The following FBXL20 variants were observed in gnomAD, a reference collection of about 807,000 sequenced individuals.
FBXL20 encodes the protein F-box/LRR-repeat protein 20.
Under a neutral mutation model 64.0 loss-of-function variants are expected in FBXL20, and 11 were observed. The observed-to-expected ratio is 0.17, with a 90% CI of 0.11 to 0.28. The LOEUF (loss-of-function observed/expected upper bound fraction) is 0.28, where lower values mean the gene tolerates loss of function less well. FBXL20 is among the 10% of genes least tolerant of loss of function. The pLI, the probability that FBXL20 is intolerant of heterozygous loss-of-function variation, is 1.00. For missense variants in FBXL20, 303 were observed against 526.2 expected (o/e 0.58, Z 4.15); for synonymous variants, 184 against 189.0 (o/e 0.97, Z 0.22).
intron 2 of FBXL20, among the ~76,000 whole-genome samples, chr17:39,316,805 T>C (rs566783354): frequency 5.9e-5 from 9 of 152,176 alleles, no homozygotes; most frequent in African/African-American, 2.2e-4. Flanking sequence ...CTGGCCAACA[T>C]GGCGAAAGCC....
chr17:39,373,979 TG>T (rs1317825521), intron 1 of FBXL20, among the ~76,000 whole-genome samples: 1 of 152,152 alleles, frequency 6.6e-6, no homozygotes, highest in Non-Finnish European at 1.5e-5. Context: ...CCCAGCACTT[TG>T]GGAGGCCGAG....
At chr17:39,280,810 G>C (rs1362228678) in intron 9 of FBXL20, among the ~76,000 whole-genome samples, 2 of 152,110 alleles carry the variant, frequency 1.3e-5, no homozygotes, top group Non-Finnish European at 2.9e-5. Context: ...TGTTGCCCGA[G>C]CTGGAGTGCT....
At position 39,264,327 on chromosome 17, in the gene FBXL20, A is replaced by C. The variant is rs746333177; in HGVS notation, c.1051T>G (p.Cys351Gly). 1.4e-5 allele frequency: 22 copies of C among 1,614,032 alleles called. No individual in the cohort carries two copies. The highest frequency in any genetic ancestry group is 1.8e-5 in the Non-Finnish European group (21 of 1,180,060). ...DGIRHLGNGA[C>G]AHDQLEVIEL... is the part of the protein sequence containing the mutation. ...ATCACCTCCAGCTGGTCATGGGCGC[A>C]GGCCCCATTCCCCAGGTGACGAATT... Residue 351 changes from cysteine to glycine, a missense_variant, in exon 14 of 15, where the codon TGC becomes GGC. By Grantham distance (159) the Cys-to-Gly change is radical (BLOSUM62 -3). Around this residue, in one of 3 missense-constraint regions of FBXL20, gnomAD observed 246 missense variants for 422.6 expected, o/e 0.58. Coordinates refer to ENST00000264658, the MANE Select transcript of FBXL20 (RefSeq NM_032875.3).
intron 2 of FBXL20, among the ~76,000 whole-genome samples, chr17:39,304,937 A>T (rs2047168555): frequency 1.3e-5 from 2 of 151,860 alleles, no homozygotes; most frequent in South Asian, 4.2e-4. Context: ...TTGTGTTTTT[A>T]GTAGAGATGG....
In FBXL20 at chr17:39,257,640, A is replaced by T. The variant is rs930998833; in HGVS notation, c.*3820T>A. On this transcript the variant is annotated 3_prime_UTR_variant, in exon 15 of 15. Coordinates refer to ENST00000264658, the MANE Select transcript of FBXL20 (RefSeq NM_032875.3). ...ACAGTTTGCTTTTAAACTGAATTCA[A>T]ATTCAGTATGCAAACACCAAAGACC... is the stretch of plus-strand genomic sequence containing the variant. 1 of 152,246 alleles carries T rather than the reference A, an allele frequency of 6.6e-6. No homozygotes were observed. Among genetic ancestry groups the T allele is most frequent in the Non-Finnish European group, 1.5e-5 (1 of 68,048 alleles). 9.4% of individuals were successfully genotyped at this position (152,246 alleles called of 1,614,324 possible). A position where few individuals can be genotyped will look rare whatever the true frequency, so the allele number is the denominator to read the frequency against.
At chr17:39,265,250 A>T (rs1028953074) in intron 13 of FBXL20, 147 bp downstream of exon 13, 6 of 582,058 alleles carry the variant, frequency 1.0e-5, no homozygotes, top group Non-Finnish European at 1.8e-5. Flanking sequence ...TCACTCATGT[A>T]CTCCTTTGGT....
intron 6 of FBXL20, among the ~76,000 whole-genome samples, chr17:39,288,769 C>T (rs975729689): frequency 6.6e-6 from 1 of 151,882 alleles, no homozygotes; most frequent in Non-Finnish European, 1.5e-5. Context: ...AGTGCAGTGG[C>T]GCGATCTCGG....
At chr17:39,399,565 T>C (rs566722350) in intron 1 of FBXL20, among the ~76,000 whole-genome samples, 23 of 152,224 alleles carry the variant, frequency 1.5e-4, no homozygotes, top group Admixed American at 9.2e-4. Context: ...GAATAGCTTT[T>C]AGTTTATAAA....
intron 1 of FBXL20, among the ~76,000 whole-genome samples, chr17:39,343,711 T>G (rs1259691764): frequency 6.6e-6 from 1 of 151,650 alleles, no homozygotes; most frequent in African/African-American, 2.4e-5. Flanking sequence ...TTTTTTTTTT[T>G]TTGAGACAGA....
intron 2 of FBXL20, among the ~76,000 whole-genome samples, chr17:39,325,091 C>T (rs1023926026): frequency 1.6e-4 from 24 of 152,256 alleles, no homozygotes; most frequent in African/African-American, 5.8e-4. Flanking sequence ...ACCTGTAGTC[C>T]TAGTTACTCA....
Position 39,311,098 on chromosome 17 carries a change from A to C in FBXL20, c.105-7459T>G, listed in dbSNP as rs115657726. Among the ~76,000 whole-genome samples, 1,005 of 152,146 alleles carry C rather than the reference A, an allele frequency of 6.6e-3. 18 individuals carry two copies. The highest frequency in any genetic ancestry group is 0.023 in the African/African-American group (969 of 41,524). ...GGGAGGATCACTTGAACCCAGGAGT[A>C]CGAGGTTGCAGTGAGCTATGATTAT... On this transcript the variant is annotated intron_variant, in intron 2 of 14. Coordinates refer to ENST00000264658, the MANE Select transcript of FBXL20 (RefSeq NM_032875.3).
chr17:39,306,227 T>C (rs2047181517), intron 2 of FBXL20, among the ~76,000 whole-genome samples: 1 of 151,022 alleles, frequency 6.6e-6, no homozygotes, highest in Non-Finnish European at 1.5e-5. Context: ...CTCGGCTCAC[T>C]GCAACCTCAG....
intron 14 of FBXL20, among the ~76,000 whole-genome samples, chr17:39,261,783 T>A (rs1013950606): frequency 6.6e-6 from 1 of 151,944 alleles, no homozygotes; most frequent in African/African-American, 2.4e-5. Flanking sequence ...TACCTGTTTG[T>A]GTAATAATAA....
rs1345161333 is a variant in FBXL20 at position 39,401,385 on chromosome 17, G to C, written c.18C>G (p.Asn6Lys). 1.2e-6 allele frequency: 2 copies of C among 1,611,786 alleles called. No homozygotes were observed. The highest frequency in any genetic ancestry group is 2.2e-5 in the East Asian group (1 of 44,718). ...CCTCAAACCTGCTCTTGGTCACTCC[G>C]TTCACGTCCCTCCTCATGGGGCCGG... MRRDV[N>K]GVTKSRFEMF... is the part of the protein sequence containing the mutation. Residue 6 changes from asparagine (N) to lysine (K), a missense_variant, in exon 1 of 15, where the codon AAC becomes AAG. Asn to Lys is a moderately conservative substitution (Grantham distance 94, BLOSUM62 0). Transcript: ENST00000264658.
chr17:39,376,816 C>T (rs964728888), intron 1 of FBXL20, among the ~76,000 whole-genome samples: 3 of 152,080 alleles, frequency 2.0e-5, no homozygotes, highest in African/African-American at 7.2e-5. Context: ...GCCTGTGCAA[C>T]ATAGTGATAC....
chr17:39,299,336 T>C (rs1325153704), intron 4 of FBXL20, among the ~76,000 whole-genome samples: 1 of 152,200 alleles, frequency 6.6e-6, no homozygotes, highest in Admixed American at 6.5e-5. Flanking sequence ...TAATGTTCTA[T>C]AGTTCTCTTT....
intron 4 of FBXL20, among the ~76,000 whole-genome samples, chr17:39,300,224 A>T (rs1271798766): frequency 2.0e-5 from 3 of 152,330 alleles, no homozygotes; most frequent in South Asian, 2.1e-4. Flanking sequence ...ATATTATTTT[A>T]AAAGCACTTT....
intron 1 of FBXL20, among the ~76,000 whole-genome samples, chr17:39,369,332 A>G (rs1163463681): frequency 7.5e-6 from 1 of 133,396 alleles, no homozygotes; most frequent in Non-Finnish European, 1.5e-5. Context: ...ATCTTGGCTC[A>G]TTGCAAACTC....
At chr17:39,340,391 G>A (rs925105117) in intron 2 of FBXL20, among the ~76,000 whole-genome samples, 2 of 151,844 alleles carry the variant, frequency 1.3e-5, no homozygotes, top group African/African-American at 2.4e-5. Context: ...CACCGCGCCC[G>A]ACTAATTTCT....
Sources: gnomAD v4.1 joint callset for allele counts (sites outside exome capture counted in the v4.1 genomes callset) on GRCh38, gnomAD v4.1.1 for gene constraint, gnomAD v4.1.1 regional missense constraint, MANE v1.5 for transcripts, NCBI Gene and HGNC (gene_info 2026-07-23, HGNC 2026-07-21) for gene names.